SPTLC3: variants seen among roughly 807,000 people sequenced by gnomAD.
SPTLC3 encodes serine palmitoyltransferase long chain base subunit 3.
SPTLC3 carries 36 observed loss-of-function variants against 59.3 expected under a neutral mutation model. The observed-to-expected ratio is 0.61, with a 90% CI of 0.47 to 0.80. The LOEUF (loss-of-function observed/expected upper bound fraction) is 0.80. SPTLC3 is among the 30% of genes least tolerant of loss of function. The pLI, the probability that SPTLC3 is intolerant of heterozygous loss-of-function variation, is 0.00. For missense variants in SPTLC3, 625 were observed against 685.1 expected (o/e 0.91, Z 0.98); for synonymous variants, 257 against 240.8 (o/e 1.07, Z -0.62).
At chr20:13,125,245 G>A (rs6041882) in intron 8 of SPTLC3, among the ~76,000 whole-genome samples, 1 of 152,192 alleles carries the variant, frequency 6.6e-6, no homozygotes, top group Non-Finnish European at 1.5e-5. Flanking sequence ...TTTGGCCTCA[G>A]GAGTCAGGCA....
intron 9 of SPTLC3, among the ~76,000 whole-genome samples, chr20:13,145,200 T>G (rs1006709423): frequency 6.6e-6 from 1 of 152,162 alleles, no homozygotes; most frequent in South Asian, 2.1e-4. Flanking sequence ...GAAGTCAAAC[T>G]ATCTCTGCAG....
At chr20:13,157,777 T>C (rs1268244222) in intron 10 of SPTLC3, among the ~76,000 whole-genome samples, 2 of 152,220 alleles carry the variant, frequency 1.3e-5, no homozygotes, top group Non-Finnish European at 2.9e-5. Context: ...TGTCTGGCTG[T>C]GTTTCCTTCT....
In SPTLC3 at chr20:13,110,635, C is replaced by T. The variant is rs185422753; in HGVS notation, c.932+418C>T. Among the ~76,000 whole-genome samples, 262 of 152,276 alleles carry T rather than the reference C, an allele frequency of 1.7e-3. 1 individual carries two copies. Among genetic ancestry groups the T allele is most frequent in the African/African-American group, 6.0e-3 (249 of 41,556 alleles). ...CCTACCTGGACAGCACGCCCAACCCCCAGCTGCTTGCTGAACTTTGTTAGT... is the reference window on the plus strand; with the variant it reads ...CCTACCTGGACAGCACGCCCAACCCTCAGCTGCTTGCTGAACTTTGTTAGT... On this transcript the variant is annotated intron_variant, in intron 7 of 11. Coordinates refer to ENST00000399002, the MANE Select transcript of SPTLC3 (RefSeq NM_018327.4).
chr20:13,024,379 TAC>T (rs34975768), intron 1 of SPTLC3, among the ~76,000 whole-genome samples: 18,572 of 152,202 alleles, frequency 0.12, 1,371 homozygotes, highest in East Asian at 0.35. Flanking sequence ...CATTTTGCTA[TAC>T]GTTTACTACT....
chr20:13,155,569 G>A (rs530860833), intron 10 of SPTLC3, among the ~76,000 whole-genome samples: 2 of 152,282 alleles, frequency 1.3e-5, no homozygotes, highest in African/African-American at 4.8e-5. Context: ...GCTCATGCCT[G>A]TAATCCCATC....
chr20:13,027,386 G>A (rs1290963391), intron 1 of SPTLC3, among the ~76,000 whole-genome samples: 2 of 152,108 alleles, frequency 1.3e-5, no homozygotes, highest in African/African-American at 2.4e-5. Flanking sequence ...CTACTGACCT[G>A]TTTTAGGATG....
intron 3 of SPTLC3, chr20:13,073,688 G>T: frequency 2.6e-6 from 1 of 385,164 alleles, no homozygotes; most frequent in Non-Finnish European, 5.1e-6. Flanking sequence ...CTGCTTATCT[G>T]CTTGTTCATT....
At chr20:13,154,226 G>C in intron 10 of SPTLC3, 88 bp downstream of exon 10, 1 of 1,525,876 alleles carries the variant, frequency 6.6e-7, no homozygotes, top group Non-Finnish European at 8.9e-7. Context: ...TTATGCATCT[G>C]GAATGGGGTG....
chr20:13,065,246 T>C (rs1344001718), intron 2 of SPTLC3, among the ~76,000 whole-genome samples: 1 of 148,252 alleles, frequency 6.7e-6, no homozygotes, highest in Non-Finnish European at 1.5e-5. Context: ...CCTTTCACTG[T>C]GATTGTAAAT....
At chr20:13,122,316 G>A (rs919594841) in intron 8 of SPTLC3, among the ~76,000 whole-genome samples, 1 of 152,208 alleles carries the variant, frequency 6.6e-6, no homozygotes, top group African/African-American at 2.4e-5. Flanking sequence ...CTGTGATTTA[G>A]TACCATATAG....
At chr20:13,068,619 G>A (rs1267334885) in intron 2 of SPTLC3, among the ~76,000 whole-genome samples, 5 of 152,050 alleles carry the variant, frequency 3.3e-5, no homozygotes, top group Non-Finnish European at 2.9e-5. Context: ...TTCATTCACC[G>A]ATCAGATCTT....
chr20:13,100,385 A>G (rs961214584), intron 6 of SPTLC3, among the ~76,000 whole-genome samples: 11 of 152,162 alleles, frequency 7.2e-5, no homozygotes, highest in African/African-American at 2.7e-4. Context: ...CTATTTCCTA[A>G]AAAAACAGGA....
rs771583622 is a variant in SPTLC3 at position 13,072,342 on chromosome 20, C to T, written c.390C>T (p.Ile130=). 3 of 1,613,794 alleles carry T rather than the reference C, an allele frequency of 1.9e-6. No homozygotes were observed. In the East Asian group the frequency reaches 6.7e-5, roughly 36 times the overall value. ...MRIRDNWNRP[I]CSAPGPLFDL... ...TCAGAGACAACTGGAACCGGCCCAT[C>T]TGCAGTGCCCCAGGGCCTCTGTTTG... Residue 130 remains isoleucine (I), a synonymous_variant, in exon 3 of 12, where the codon ATC becomes ATT. Transcript: ENST00000399002.
At chr20:13,042,369 G>A (rs1204988549) in intron 1 of SPTLC3, among the ~76,000 whole-genome samples, 1 of 152,168 alleles carries the variant, frequency 6.6e-6, no homozygotes, top group Non-Finnish European at 1.5e-5. Context: ...TCAGAGCTAG[G>A]GAAAGGATAG....
intron 6 of SPTLC3, among the ~76,000 whole-genome samples, chr20:13,096,487 G>T (rs1280645502): frequency 6.6e-6 from 1 of 150,648 alleles, no homozygotes; most frequent in African/African-American, 2.4e-5. Flanking sequence ...TAACATGGCT[G>T]ACTCTCAAGA....
chr20:13,056,741 CTTT>C (rs34096106), intron 2 of SPTLC3, among the ~76,000 whole-genome samples: 9 of 129,168 alleles, frequency 7.0e-5, no homozygotes, highest in Non-Finnish European at 6.6e-5. Flanking sequence ...CATCCTTAAT[CTTT>C]TTTTTTTTTT....
chr20:13,152,877 T>C lies in SPTLC3; in HGVS notation c.1280-1126T>C, dbSNP rs2038680774. 2.6e-5 allele frequency among the ~76,000 whole-genome samples: 4 copies of C among 152,178 alleles called. No individual in the cohort carries two copies. The South Asian group carries it at 8.3e-4, about 32-fold the overall frequency. On this transcript the variant is annotated intron_variant, in intron 9 of 11. Coordinates refer to ENST00000399002, the MANE Select transcript of SPTLC3 (RefSeq NM_018327.4). ...AGGGACCAGATGACTATGATTGACA[T>C]GTTTACTGAAATGTTTACCCTATTT...
chr20:13,080,200 T>C (rs1274256760), intron 4 of SPTLC3, among the ~76,000 whole-genome samples: 1 of 152,094 alleles, frequency 6.6e-6, no homozygotes, highest in Non-Finnish European at 1.5e-5. Context: ...GGATACGTTT[T>C]TGATAAGGTT....
At chr20:13,109,465 C>T (rs1170988886) in intron 6 of SPTLC3, among the ~76,000 whole-genome samples, 1 of 152,220 alleles carries the variant, frequency 6.6e-6, no homozygotes, top group Non-Finnish European at 1.5e-5. Flanking sequence ...GCTACTAGTA[C>T]TTCCTCCAGA....
Sources: allele counts gnomAD v4.1 joint callset (sites outside exome capture counted in the v4.1 genomes callset), GRCh38; gene constraint gnomAD v4.1.1; transcripts MANE v1.5; gene names NCBI Gene and HGNC (gene_info 2026-07-23, HGNC 2026-07-21).